BUB3: variants seen among roughly 807,000 people sequenced by gnomAD.
The protein encoded by BUB3 is BUB3 mitotic checkpoint protein, also known as mitotic checkpoint protein BUB3.
A neutral mutation model predicts 39.9 loss-of-function variants in BUB3; 22 were observed. That is an observed-to-expected ratio of 0.55 (90% confidence interval 0.39 to 0.79). BUB3 has a LOEUF of 0.79. Among genes scored for constraint, BUB3 ranks in the 30% least tolerant of loss-of-function variants. The pLI is 0.00. For synonymous variants in BUB3, 168 were observed against 155.1 expected (o/e 1.08, Z -0.62); for missense variants, 303 against 415.4 (o/e 0.73, Z 2.35).
Position 123,160,519 on chromosome 10 carries a change from G to T in BUB3, c.530G>T (p.Ser177Ile). 6.2e-7 allele frequency: 1 copy of T among 1,612,458 alleles called. No individual in the cohort carries two copies. Among genetic ancestry groups the T allele is most frequent in the Non-Finnish European group, 8.5e-7 (1 of 1,179,578 alleles). Residue 177 changes from serine (S) to isoleucine (I), a missense_variant, in exon 5 of 8, where the codon AGC becomes ATC. Transcript: ENST00000368865. ...MGYVQQRRES[S>I]LKYQTRCIRA... is the part of the protein sequence containing the mutation. Reference sequence around the variant, plus strand: ...TACGTGCAGCAGCGCAGGGAGTCCAGCCTGAAATACCAGACTCGCTGCATA... The same window carrying T: ...TACGTGCAGCAGCGCAGGGAGTCCATCCTGAAATACCAGACTCGCTGCATA...
intron 5 of BUB3, 89 bp downstream of exon 5, chr10:123,160,654 T>C (rs1293776526): frequency 8.2e-7 from 1 of 1,219,176 alleles, no homozygotes; most frequent in Non-Finnish European, 1.1e-6. Flanking sequence ...CCTAAAGCCT[T>C]CTTTTTTTTT....
Position 123,165,118 on chromosome 10 carries a change from A to G in BUB3, c.*1283A>G. 1 of 1,538,708 alleles carries G rather than the reference A, an allele frequency of 6.5e-7. No homozygotes were observed. The highest frequency in any genetic ancestry group is 9.0e-7 in the Non-Finnish European group (1 of 1,115,406). The stretch of plus-strand genomic sequence containing the variant: ...GTTTGCTTCCTACAAATACATGCTT[A>G]TTCCTTAAGGGATGTGTTAGAGTTA... On this transcript the variant is annotated 3_prime_UTR_variant, in exon 8 of 8. Coordinates refer to ENST00000368865, the MANE Select transcript of BUB3 (RefSeq NM_004725.4).
In BUB3 at chr10:123,155,073, G is replaced by A. The variant is rs1327966376; in HGVS notation, c.156G>A (p.Lys52=). ...YDVPANSMRL[K]YQHTGAVLDC... is the part of the protein sequence containing the mutation. The stretch of plus-strand genomic sequence containing the variant: ...TGCCGGCCAACTCCATGCGGCTCAA[G>A]TACCAGCACACCGGCGCCGTCCTGG... Residue 52 remains lysine (K), a synonymous_variant, in exon 2 of 8, where the codon AAG becomes AAA. Coordinates refer to ENST00000368865, the MANE Select transcript of BUB3 (RefSeq NM_004725.4). 5 of 1,614,014 alleles carry A rather than the reference G, an allele frequency of 3.1e-6. No individual in the cohort carries two copies. The highest frequency in any genetic ancestry group is 1.7e-5 in the Admixed American group (1 of 60,014).
rs543848746 is a variant in BUB3, at chr10:123,163,911, A to G, written c.*76A>G. On this transcript the variant is annotated 3_prime_UTR_variant, in exon 8 of 8. Transcript: ENST00000368865. ...ACTCCCCAATGGTGGATTTATTACT[A>G]TTAAAGAAACCAGGGAAAATATTAA... The G allele has an allele frequency of 2.2e-5, 32 of 1,443,680 alleles. No homozygotes were observed. The African/African-American group carries it at 3.1e-4, about 14-fold the overall frequency. 89.4% of individuals were successfully genotyped at this position (1,443,680 alleles called of 1,614,324 possible). A position where few individuals can be genotyped will look rare whatever the true frequency, so the allele number is the denominator to read the frequency against.
chr10:123,163,211 A>G (rs1181736148), intron 7 of BUB3: 1 of 202,672 alleles, frequency 4.9e-6, no homozygotes, highest in African/African-American at 2.4e-5. Context: ...TTTCCTCTCC[A>G]CAGAGGTTGT....
Position 123,166,163 on chromosome 10 carries a change from C to G in BUB3, c.*2328C>G, listed in dbSNP as rs1844490389. 1 of 152,100 alleles carries G rather than the reference C, an allele frequency of 6.6e-6. No homozygotes were observed. The highest frequency in any genetic ancestry group is 1.5e-5 in the Non-Finnish European group (1 of 68,048). The allele number at this position is 152,100 out of a possible 1,614,324, so 9.4% of individuals were successfully genotyped here. A position where few individuals can be genotyped will look rare whatever the true frequency, so the allele number is the denominator to read the frequency against. On this transcript the variant is annotated 3_prime_UTR_variant, in exon 8 of 8. Coordinates refer to ENST00000368865, the MANE Select transcript of BUB3 (RefSeq NM_004725.4). ...TCCCCAAGTTACCCAGGTGTAGTTA[C>G]CTTGGCCTTCTCATTGGTTTCCCTC... is the stretch of plus-strand genomic sequence containing the variant.
Position 123,166,095 on chromosome 10 carries a change from C to T in BUB3, c.*2260C>T, listed in dbSNP as rs1844489707. The T allele has an allele frequency of 6.6e-6, 1 of 152,174 alleles. No homozygotes were observed. The highest frequency in any genetic ancestry group is 2.1e-4 in the South Asian group (1 of 4,830). The allele number at this position is 152,174 out of a possible 1,614,324, so 9.4% of individuals were successfully genotyped here. Reference sequence around the variant, plus strand: ...CCTGCCATCTCTACATACCCCTTAACCAGCTCTCCACAATTTACTTGTTTA... The same window carrying T: ...CCTGCCATCTCTACATACCCCTTAATCAGCTCTCCACAATTTACTTGTTTA... On this transcript the variant is annotated 3_prime_UTR_variant, in exon 8 of 8. Transcript: ENST00000368865.
Position 123,155,046 on chromosome 10 carries a change from T to G in BUB3, c.129T>G (p.Asp43Glu). ...SSWDTSVRLYDVPANSMRLKY... is the reference protein window; with the variant it reads ...SSWDTSVRLYEVPANSMRLKY... The stretch of plus-strand genomic sequence containing the variant: ...GGGACACGTCCGTGCGTCTCTACGA[T>G]GTGCCGGCCAACTCCATGCGGCTCA... The change falls in exon 2 of 8, where the codon GAT becomes GAG. Residue 43 changes from aspartate to glutamate, a missense_variant. Coordinates refer to ENST00000368865, the MANE Select transcript of BUB3 (RefSeq NM_004725.4). 1 of 1,614,198 alleles carries G rather than the reference T, an allele frequency of 6.2e-7. No homozygotes were observed. Among genetic ancestry groups the G allele is most frequent in the Non-Finnish European group, 8.5e-7 (1 of 1,180,032 alleles).
In BUB3 at chr10:123,165,063, T is replaced by C. The variant is rs756086719; in HGVS notation, c.*1228T>C. On this transcript the variant is annotated 3_prime_UTR_variant, in exon 8 of 8. Coordinates refer to ENST00000368865, the MANE Select transcript of BUB3 (RefSeq NM_004725.4). ...TCATTGCAGGTCCACCTAATCATCC[T>C]GTGAAAGTGGTTTCTCTATGGAAAG... is the stretch of plus-strand genomic sequence containing the variant. The C allele has an allele frequency of 6.2e-7, 1 of 1,612,178 alleles. No homozygotes were observed. Among genetic ancestry groups the C allele is most frequent in the South Asian group, 1.1e-5 (1 of 91,002 alleles).
intron 2 of BUB3, 35 bp downstream of exon 2, chr10:123,155,147 C>T: frequency 1.2e-6 from 2 of 1,601,920 alleles, no homozygotes; most frequent in African/African-American, 1.3e-5. Flanking sequence ...TGCCCTCTTA[C>T]TGTGTTAACG....
rs921256665 is a variant in BUB3 at position 123,169,727 on chromosome 10, G to C, written c.*5892G>C. On this transcript the variant is annotated 3_prime_UTR_variant, in exon 8 of 8. Transcript: ENST00000368865. ...ACTCAGAGGGCCTGTCACTCATCCA[G>C]AATTGAATCTGCTGGTTTAACAGGT... The C allele has an allele frequency of 6.6e-6, 1 of 152,212 alleles. No homozygotes were observed. The highest frequency in any genetic ancestry group is 6.5e-5 in the Admixed American group (1 of 15,270). 9.4% of individuals were successfully genotyped at this position (152,212 alleles called of 1,614,324 possible).
rs1242064365 is a variant in BUB3, at chr10:123,164,445, G to A, written c.*610G>A. The A allele has an allele frequency of 2.0e-6, 2 of 985,572 alleles. No homozygotes were observed. Among genetic ancestry groups the A allele is most frequent in the Admixed American group, 6.1e-5 (1 of 16,284 alleles). 61.1% of individuals were successfully genotyped at this position (985,572 alleles called of 1,614,324 possible). ...TAGGGTGCAGAAGGAAAACTAATAA[G>A]AAAACCTCCTAATATCATTTTGTGA... is the stretch of plus-strand genomic sequence containing the variant. On this transcript the variant is annotated 3_prime_UTR_variant, in exon 8 of 8. Coordinates refer to ENST00000368865, the MANE Select transcript of BUB3 (RefSeq NM_004725.4).
chr10:123,160,777 A>G (rs1015815692), intron 5 of BUB3, among the ~76,000 whole-genome samples: 4 of 152,088 alleles, frequency 2.6e-5, no homozygotes, highest in African/African-American at 9.7e-5. Flanking sequence ...CTTGATGTTC[A>G]GAGAGACCAA....
At chr10:123,159,747 A>G (rs919345721) in intron 4 of BUB3, among the ~76,000 whole-genome samples, 1 of 152,210 alleles carries the variant, frequency 6.6e-6, no homozygotes, top group Non-Finnish European at 1.5e-5. Flanking sequence ...AATGCATAGT[A>G]TTACATCAGG....
chr10:123,162,442 AATT>A (rs1301191968), intron 6 of BUB3, 29 bp downstream of exon 6: 6 of 1,604,164 alleles, frequency 3.7e-6, no homozygotes, highest in East Asian at 2.2e-5. Flanking sequence ...ACCTATATTT[AATT>A]ATTATACTAT....
rs1239666601 is a variant in BUB3 at position 123,165,725 on chromosome 10, C to T, written c.*1890C>T. 4 of 152,084 alleles carry T rather than the reference C, an allele frequency of 2.6e-5. No individual in the cohort carries two copies. Among genetic ancestry groups the T allele is most frequent in the South Asian group, 2.1e-4 (1 of 4,812 alleles). 9.4% of individuals were successfully genotyped at this position (152,084 alleles called of 1,614,324 possible). A position where few individuals can be genotyped will look rare whatever the true frequency, so the allele number is the denominator to read the frequency against. On this transcript the variant is annotated 3_prime_UTR_variant, in exon 8 of 8. Coordinates refer to ENST00000368865, the MANE Select transcript of BUB3 (RefSeq NM_004725.4). ...AGTGCTTAGGTAGCTTGTGCATCCC[C>T]GTGTTGATGTAGTCATAGTCCACAC...
At chr10:123,157,123 A>G (rs1417765179) in intron 3 of BUB3, among the ~76,000 whole-genome samples, 1 of 152,200 alleles carries the variant, frequency 6.6e-6, no homozygotes, top group Non-Finnish European at 1.5e-5. Context: ...AATAAATGAG[A>G]TATAGTGAGA....
intron 7 of BUB3, 55 bp from the exon 8 acceptor site, chr10:123,163,765 G>C (rs961572601): frequency 1.3e-6 from 2 of 1,495,486 alleles, no homozygotes; most frequent in African/African-American, 2.8e-5. Context: ...TGTATCTCCT[G>C]TCCTGGCTGG....
At position 123,164,467 on chromosome 10, in the gene BUB3, G is replaced by C; in HGVS notation, c.*632G>C. 1.0e-6 allele frequency: 1 copy of C among 985,668 alleles called. No homozygotes were observed. Among genetic ancestry groups the C allele is most frequent in the Non-Finnish European group, 1.2e-6 (1 of 830,122 alleles). 61.1% of individuals were successfully genotyped at this position (985,668 alleles called of 1,614,324 possible). A position where few individuals can be genotyped will look rare whatever the true frequency, so the allele number is the denominator to read the frequency against. ...TAAGAAAACCTCCTAATATCATTTT[G>C]TGACTGTAAACAATTATTTATTAGC... is the stretch of plus-strand genomic sequence containing the variant. On this transcript the variant is annotated 3_prime_UTR_variant, in exon 8 of 8. Coordinates refer to ENST00000368865, the MANE Select transcript of BUB3 (RefSeq NM_004725.4).
Sources: allele counts gnomAD v4.1 joint callset (sites outside exome capture counted in the v4.1 genomes callset), GRCh38; gene constraint gnomAD v4.1.1; transcripts MANE v1.5; gene names NCBI Gene and HGNC (gene_info 2026-07-23, HGNC 2026-07-21).